Variants in GALK2 observed in about 807,000 individuals in gnomAD.
GALK2 encodes N-acetylgalactosamine kinase.
GALK2 carries 36 observed loss-of-function variants against 52.4 expected under a neutral mutation model. That is an observed-to-expected ratio of 0.69 (90% CI 0.53 to 0.91). The LOEUF (loss-of-function observed/expected upper bound fraction) is 0.91, where lower values mean the gene tolerates loss of function less well. GALK2 is among the 40% of genes least tolerant of loss of function. GALK2 has a pLI of 0.00. For missense variants in GALK2, 579 were observed against 559.1 expected, an observed-to-expected ratio of 1.04 and a Z score of -0.36; for synonymous variants, 176 against 199.1, an observed-to-expected ratio of 0.88 and a Z score of 0.98.
chr15:49,235,961 A>C lies in GALK2; in HGVS notation c.357+20A>C. 7.4e-7 allele frequency: 1 copy of C among 1,346,880 alleles called. No homozygotes were observed. The highest frequency in any genetic ancestry group is 1.1e-6 in the Non-Finnish European group (1 of 938,740). 83.4% of individuals were successfully genotyped at this position (1,346,880 alleles called of 1,614,324 possible). A position where few individuals can be genotyped will look rare whatever the true frequency, so the allele number is the denominator to read the frequency against. ...ATTCAGGTAAATTGGTTTATAAGGC[A>C]CTTACTACCAGTTGAGATTATCATG... On this transcript the variant is annotated intron_variant, in intron 4 of 9. Coordinates refer to ENST00000560031, the MANE Select transcript of GALK2 (RefSeq NM_002044.4).
At chr15:49,333,524 G>A (rs921062663), downstream of GALK2, among the ~76,000 whole-genome samples, 1 of 152,158 alleles carries the variant, frequency 6.6e-6, no homozygotes, top group African/African-American at 2.4e-5. Flanking sequence ...AGAGTCACCC[G>A]GAATGGAACC....
intron 7 of GALK2, among the ~76,000 whole-genome samples, chr15:49,291,156 A>ATTT (rs201204888): frequency 5.0e-5 from 7 of 139,968 alleles, no homozygotes; most frequent in South Asian, 4.5e-4. Flanking sequence ...AGGTTTCGCC[A>ATTT]TTTTTTTTTT....
At chr15:49,156,510 C>A in intron 1 of GALK2, 2 of 503,070 alleles carry the variant, frequency 4.0e-6, no homozygotes, top group South Asian at 3.1e-5. Flanking sequence ...AAGCTGCTGT[C>A]ATTTCTAAAA....
At position 49,328,098 on chromosome 15, in the gene GALK2, A is replaced by T. The variant is rs2037847300; in HGVS notation, c.1316A>T (p.Glu439Val). ...AGGAGTGATGGAAGCTTAGCACCGG[A>T]GAAGCAAAGTTTGTTTGCTACCAAA... ...YQRSDGSLAPEKQSLFATKPG... is the reference protein window; with the variant it reads ...YQRSDGSLAPVKQSLFATKPG... Residue 439 changes from glutamate (E) to valine (V), a missense_variant, in exon 10 of 10, where the codon GAG (glutamate) becomes GTG (valine). Physicochemically the swap from Glu to Val is moderately radical, Grantham distance 121. Transcript: ENST00000560031. 1 of 1,614,000 alleles carries T rather than the reference A, an allele frequency of 6.2e-7. No individual in the cohort carries two copies. Among genetic ancestry groups the T allele is most frequent in the East Asian group, 2.2e-5 (1 of 44,880 alleles).
chr15:49,238,148 C>T (rs778567689), intron 4 of GALK2, among the ~76,000 whole-genome samples: 1 of 152,098 alleles, frequency 6.6e-6, no homozygotes, highest in Non-Finnish European at 1.5e-5. Context: ...TGATGAAATG[C>T]ATAATTAGGT....
chr15:49,264,807 T>C (rs2092292192), intron 5 of GALK2, among the ~76,000 whole-genome samples: 1 of 152,256 alleles, frequency 6.6e-6, no homozygotes, highest in East Asian at 1.9e-4. Flanking sequence ...GACCCTCAGC[T>C]GCAGGTCTGT....
chr15:49,345,501 A>T lies in GALK2; in HGVS notation c.427-21990A>T, dbSNP rs112203319. Among the ~76,000 whole-genome samples, 985 of 152,274 alleles carry T rather than the reference A, an allele frequency of 6.5e-3. 17 individuals are homozygous for T. Among genetic ancestry groups the T allele is most frequent in the African/African-American group, 0.023 (948 of 41,546 alleles). ...TCTTTTTAGACACTTATAACTATAA[A>T]TTTTTTCCGAATTAGATAAAACAGA... On this transcript the variant is annotated intron_variant, in intron 3 of 3. Coordinates refer to the GALK2 transcript ENST00000558399.
Position 49,329,558 on chromosome 15 carries a change from A to C in GALK2, c.*1399A>C. 1.0e-6 allele frequency: 1 copy of C among 984,988 alleles called. No individual in the cohort carries two copies. 61.0% of individuals were successfully genotyped at this position (984,988 alleles called of 1,614,324 possible). A position where few individuals can be genotyped will look rare whatever the true frequency, so the allele number is the denominator to read the frequency against. On this transcript the variant is annotated 3_prime_UTR_variant, in exon 10 of 10. Transcript: ENST00000560031. ...ATTTCTTAAAGGATAACAGTCATAC[A>C]TAGAATACTAGGAAAGCCAATATTC...
At chr15:49,242,748 T>C (rs898923625) in intron 5 of GALK2, among the ~76,000 whole-genome samples, 1 of 152,216 alleles carries the variant, frequency 6.6e-6, no homozygotes, top group Non-Finnish European at 1.5e-5. Flanking sequence ...AGAATGTTAC[T>C]GGTACAAGAG....
At chr15:49,214,845 T>TA (rs1237632277) in intron 2 of GALK2, among the ~76,000 whole-genome samples, 1 of 152,168 alleles carries the variant, frequency 6.6e-6, no homozygotes, top group Admixed American at 6.5e-5. Context: ...GTGATATATA[T>TA]TTTTTTACAT....
rs1228056745 is a variant in GALK2 at position 49,328,731 on chromosome 15, T to C, written c.*572T>C. On this transcript the variant is annotated 3_prime_UTR_variant, in exon 10 of 10. Coordinates refer to ENST00000560031, the MANE Select transcript of GALK2 (RefSeq NM_002044.4). ...CAGATCTTCTTGGACATTGTATAAT[T>C]GAATTTGAATGTGAGATTTCTCCAG... 6.6e-7 allele frequency: 1 copy of C among 1,516,122 alleles called. No individual in the cohort carries two copies. The highest frequency in any genetic ancestry group is 2.1e-5 in the Admixed American group (1 of 47,636). 93.9% of individuals were successfully genotyped at this position (1,516,122 alleles called of 1,614,324 possible).
At chr15:49,287,770 A>G (rs2141798639) in intron 7 of GALK2, among the ~76,000 whole-genome samples, 1 of 152,334 alleles carries the variant, frequency 6.6e-6, no homozygotes, top group Middle Eastern at 3.4e-3. Flanking sequence ...TGTAATGAAG[A>G]ACATTTATTT....
chr15:49,228,689 T>A (rs12441922), intron 3 of GALK2, among the ~76,000 whole-genome samples: 85 of 10,876 alleles, frequency 7.8e-3, no homozygotes, highest in East Asian at 0.014. Flanking sequence ...ATATATATAT[T>A]TTTTTTTTTT....
intron 3 of GALK2, among the ~76,000 whole-genome samples, chr15:49,346,102 A>G (rs1271324817): frequency 1.3e-5 from 2 of 150,826 alleles, no homozygotes; most frequent in Non-Finnish European, 2.9e-5. Context: ...GCTGCTGAAC[A>G]CGAAACTTAA....
chr15:49,164,465 A>G (rs1020665370), intron 1 of GALK2, among the ~76,000 whole-genome samples: 1 of 152,114 alleles, frequency 6.6e-6, no homozygotes, highest in African/African-American at 2.4e-5. Flanking sequence ...TCTTGGTACT[A>G]TATTTAGTTT....
In GALK2 at chr15:49,319,077, A is replaced by G. The variant is rs528395238; in HGVS notation, c.968-527A>G. The G allele has an allele frequency of 3.9e-4, 154 of 390,052 alleles. 3 individuals are homozygous for G. The highest frequency in any genetic ancestry group is 3.8e-3 in the Middle Eastern group (4 of 1,066). 24.2% of individuals were successfully genotyped at this position (390,052 alleles called of 1,614,324 possible). ...GCAATTCTCCCACTTCAGTCTCTCA[A>G]ATAGCTGGGATTACATGCACCCACC... On this transcript the variant is annotated intron_variant, in intron 8 of 9. Coordinates refer to ENST00000560031, the MANE Select transcript of GALK2 (RefSeq NM_002044.4).
At chr15:49,334,261 G>C (rs1386493073), downstream of GALK2, 1 of 983,708 alleles carries the variant, frequency 1.0e-6, no homozygotes, top group Non-Finnish European at 1.2e-6. Flanking sequence ...TGTTTTAGAA[G>C]TTTTATTTCT....
chr15:49,344,435 G>T (rs992477104), intron 3 of GALK2, among the ~76,000 whole-genome samples: 2 of 152,084 alleles, frequency 1.3e-5, no homozygotes, highest in African/African-American at 4.8e-5. Flanking sequence ...CTATTTCTCT[G>T]GTAATATAGC....
At chr15:49,302,827 T>C (rs936840721) in intron 8 of GALK2, among the ~76,000 whole-genome samples, 3 of 152,236 alleles carry the variant, frequency 2.0e-5, no homozygotes, top group African/African-American at 7.2e-5. Flanking sequence ...ATCTGTGAGA[T>C]GGACTTCTAA....
Sources: gnomAD v4.1 joint callset for allele counts (sites outside exome capture counted in the v4.1 genomes callset) on GRCh38, gnomAD v4.1.1 for gene constraint, MANE v1.5 for transcripts, NCBI Gene and HGNC (gene_info 2026-07-23, HGNC 2026-07-21) for gene names.